KANK1: variants seen among roughly 807,000 people sequenced by gnomAD.
The protein encoded by KANK1 is KN motif and ankyrin repeat domain-containing protein 1.
Under a neutral mutation model 106.2 loss-of-function variants are expected in KANK1, and 109 were observed. That is an observed-to-expected ratio of 1.03 (90% confidence interval 0.88 to 1.20). KANK1 has a LOEUF of 1.20. Among genes scored for constraint, KANK1 ranks in the 50% most tolerant of loss-of-function variants. The probability of loss-of-function intolerance (pLI) is 0.00; values close to 1 mark genes in which losing one functional copy is unlikely to be tolerated. For synonymous variants in KANK1, 873 were observed against 652.2 expected (o/e 1.34, Z -5.16); for missense variants, 2,399 against 1,710.7 (o/e 1.40, Z -7.10).
intron 3 of KANK1, among the ~76,000 whole-genome samples, chr9:717,312 T>G (rs2131163150): frequency 6.6e-6 from 1 of 151,924 alleles, no homozygotes; most frequent in East Asian, 1.9e-4. Flanking sequence ...AAAAAGAAAT[T>G]AAAAGTTCAG....
At chr9:487,878 A>G (rs991965293) in intron 3 of KANK1, 2 of 152,202 alleles carry the variant, frequency 1.3e-5, no homozygotes, top group African/African-American at 4.8e-5. Context: ...TACCCCTAAG[A>G]GTCTAAGACA....
At chr9:628,634 T>C (rs955526499) in intron 1 of KANK1, among the ~76,000 whole-genome samples, 7 of 152,104 alleles carry the variant, frequency 4.6e-5, no homozygotes, top group Non-Finnish European at 1.0e-4. Flanking sequence ...ACTACTGACT[T>C]AGGATTCAAA....
In KANK1 at chr9:676,964, C is replaced by G. The variant is rs373168025; in HGVS notation, c.-9C>G. ...TCCTTTCTGGATCTCTCATTGGACTCAAGCCAGCATGGCTCACACCACAAA... is the reference window on the plus strand; with the variant it reads ...TCCTTTCTGGATCTCTCATTGGACTGAAGCCAGCATGGCTCACACCACAAA... On this transcript the variant is annotated 5_prime_UTR_variant, in exon 2 of 12. It introduces an in-frame stop codon into an upstream open reading frame of the 5' UTR. Coordinates refer to ENST00000382297, the MANE Select transcript of KANK1 (RefSeq NM_015158.5). 2.4e-5 allele frequency: 38 copies of G among 1,613,240 alleles called. No individual in the cohort carries two copies. Among genetic ancestry groups the G allele is most frequent in the Middle Eastern group, 1.6e-4 (1 of 6,082 alleles).
chr9:551,089 G>T (rs1244473845), intron 1 of KANK1, among the ~76,000 whole-genome samples: 1 of 151,986 alleles, frequency 6.6e-6, no homozygotes, highest in African/African-American at 2.4e-5. Flanking sequence ...CATGATGTGG[G>T]TTGGGGTGTC....
At chr9:663,235 A>G (rs1843769586) in intron 1 of KANK1, among the ~76,000 whole-genome samples, 1 of 152,188 alleles carries the variant, frequency 6.6e-6, no homozygotes, top group African/African-American at 2.4e-5. Context: ...AAACTAACTT[A>G]TATCTGTGGC....
chr9:660,996 C>G (rs1843171128), intron 1 of KANK1, among the ~76,000 whole-genome samples: 1 of 152,164 alleles, frequency 6.6e-6, no homozygotes, highest in African/African-American at 2.4e-5. Flanking sequence ...AACTGATGTA[C>G]CAGTCATGTA....
At chr9:675,047 A>G (rs1816114390) in intron 1 of KANK1, among the ~76,000 whole-genome samples, 1 of 152,182 alleles carries the variant, frequency 6.6e-6, no homozygotes, top group Admixed American at 6.5e-5. Context: ...CAAAAGTAAG[A>G]AAAGAGCTAA....
rs1335185443 is a variant in KANK1, at chr9:706,628, GT to G, written c.38-4171del. ...TACTTTCGTATCTGGAAAAAGGTTTGTTTTTCTTTCATTTTTTAAGAAGAAC... is the reference window on the plus strand; with the variant it reads ...TACTTTCGTATCTGGAAAAAGGTTTGTTTTCTTTCATTTTTTAAGAAGAAC... On this transcript the variant is annotated intron_variant, in intron 2 of 11. Transcript: ENST00000382297. Among the ~76,000 whole-genome samples, 10 of 146,572 alleles carry G rather than the reference GT, an allele frequency of 6.8e-5. No individual in the cohort carries two copies. In the East Asian group the frequency reaches 2.1e-3, roughly 30 times the overall value.
At chr9:539,070 G>T (rs753909965) in intron 1 of KANK1, among the ~76,000 whole-genome samples, 1 of 152,102 alleles carries the variant, frequency 6.6e-6, no homozygotes, top group South Asian at 2.1e-4. Context: ...TGGTAGCGAC[G>T]GGATTTCACC....
At chr9:518,857 G>C (rs917830055) in intron 1 of KANK1, among the ~76,000 whole-genome samples, 2 of 151,196 alleles carry the variant, frequency 1.3e-5, no homozygotes, top group Admixed American at 1.3e-4. Context: ...ACTCCATGAA[G>C]CCTATATGGA....
intron 1 of KANK1, among the ~76,000 whole-genome samples, chr9:579,267 C>G (rs1821405844): frequency 6.6e-6 from 1 of 151,812 alleles, no homozygotes; most frequent in African/African-American, 2.4e-5. Flanking sequence ...TGGGTATTAG[C>G]TTGGTAATGG....
intron 3 of KANK1, among the ~76,000 whole-genome samples, chr9:715,143 G>A (rs1158119385): frequency 6.6e-6 from 1 of 152,066 alleles, no homozygotes; most frequent in African/African-American, 2.4e-5. Context: ...AGTTTGTTGT[G>A]GAAGAAAAAA....
At chr9:724,430 C>G (rs1169505170) in intron 3 of KANK1, among the ~76,000 whole-genome samples, 1 of 152,124 alleles carries the variant, frequency 6.6e-6, no homozygotes, top group South Asian at 2.1e-4. Flanking sequence ...TCAAAACTAT[C>G]ATGTATTTGC....
intron 2 of KANK1, chr9:684,606 C>G (rs1818194483): frequency 1.0e-6 from 1 of 983,844 alleles, no homozygotes; most frequent in Non-Finnish European, 1.2e-6. Context: ...TGATTATGCA[C>G]TTCCCCTCTT....
At chr9:520,974 C>G (rs1304001759) in intron 1 of KANK1, among the ~76,000 whole-genome samples, 1 of 151,718 alleles carries the variant, frequency 6.6e-6, no homozygotes, top group Non-Finnish European at 1.5e-5. Context: ...ACAGTGGATG[C>G]TACTGTCAAG....
At chr9:632,041 C>T (rs930349542) in intron 1 of KANK1, among the ~76,000 whole-genome samples, 2 of 152,208 alleles carry the variant, frequency 1.3e-5, no homozygotes, top group Admixed American at 6.5e-5. Context: ...TGTCATTAAT[C>T]CCTGTCTCCG....
At chr9:537,786 A>G (rs1043495048) in intron 1 of KANK1, among the ~76,000 whole-genome samples, 4 of 152,248 alleles carry the variant, frequency 2.6e-5, no homozygotes, top group Admixed American at 2.6e-4. Flanking sequence ...AGTAGAGGCC[A>G]GAGATGCCCA....
At chr9:709,346 T>G (rs1267361850) in intron 2 of KANK1, among the ~76,000 whole-genome samples, 13 of 152,186 alleles carry the variant, frequency 8.5e-5, no homozygotes, top group African/African-American at 3.1e-4. Flanking sequence ...CAAGGCAAAT[T>G]GTAAGCCCAT....
At chr9:489,224 A>C (rs1564118312) in intron 3 of KANK1, among the ~76,000 whole-genome samples, 1 of 152,174 alleles carries the variant, frequency 6.6e-6, no homozygotes, top group Admixed American at 6.5e-5. Context: ...CCACTCTGAA[A>C]TCCTCGTGCA....
Sources: allele counts gnomAD v4.1 joint callset (sites outside exome capture counted in the v4.1 genomes callset), GRCh38; gene constraint gnomAD v4.1.1; transcripts MANE v1.5; gene names NCBI Gene and HGNC (gene_info 2026-07-23, HGNC 2026-07-21).